MEOX2: variants seen among roughly 807,000 people sequenced by gnomAD.
MEOX2 encodes the protein homeobox protein MOX-2.
MEOX2 carries 11 observed loss-of-function variants against 27.0 expected under a neutral mutation model. The observed-to-expected ratio is 0.41, with a 90% confidence interval of 0.26 to 0.68. The LOEUF (loss-of-function observed/expected upper bound fraction) is 0.68. MEOX2 is among the 30% of genes least tolerant of loss of function. The pLI, the probability that MEOX2 is intolerant of heterozygous loss-of-function variation, is 0.33. For missense variants in MEOX2, 436 were observed against 385.4 expected, an observed-to-expected ratio of 1.13 and a Z score of -1.10; for synonymous variants, 189 against 155.4, an observed-to-expected ratio of 1.22 and a Z score of -1.61.
At chr7:15,683,886 T>C (rs1298530473) in intron 1 of MEOX2, among the ~76,000 whole-genome samples, 1 of 152,308 alleles carries the variant, frequency 6.6e-6, no homozygotes, top group Non-Finnish European at 1.5e-5. Context: ...CAAACACTTA[T>C]ATTTGCTTGT....
chr7:15,670,366 C>A (rs1312344659), intron 1 of MEOX2, among the ~76,000 whole-genome samples: 1 of 152,188 alleles, frequency 6.6e-6, no homozygotes, highest in East Asian at 1.9e-4. Context: ...TATGCTTCAA[C>A]TTTTCATTGT....
At position 15,643,189 on chromosome 7, in the gene MEOX2, G is replaced by A. The variant is rs570902949; in HGVS notation, c.518-16271C>T. On this transcript the variant is annotated intron_variant, in intron 1 of 2. Transcript: ENST00000262041. ...GCCAGTAGGTGATGCTTGCAGGTGA[G>A]AGGCAGTTGCACTGTTGGCAGTGGG... Among the ~76,000 whole-genome samples the A allele has an allele frequency of 5.3e-5, 8 of 152,320 alleles. No homozygotes were observed. In the East Asian group the frequency reaches 1.5e-3, roughly 29 times the overall value.
chr7:15,619,842 G>C (rs972847760), intron 2 of MEOX2, among the ~76,000 whole-genome samples: 2 of 151,876 alleles, frequency 1.3e-5, no homozygotes, highest in African/African-American at 2.4e-5. Flanking sequence ...ACATTTATTA[G>C]GGATGAGTTA....
intron 2 of MEOX2, among the ~76,000 whole-genome samples, chr7:15,617,127 A>G (rs546847082): frequency 6.6e-6 from 1 of 152,184 alleles, no homozygotes; most frequent in Non-Finnish European, 1.5e-5. Context: ...ATGTAACACC[A>G]TAAATGTCTG....
chr7:15,613,395 C>A (rs200506087), intron 2 of MEOX2, among the ~76,000 whole-genome samples: 3 of 148,988 alleles, frequency 2.0e-5, no homozygotes, highest in African/African-American at 2.4e-5. Context: ...GTATTAAAAA[C>A]AAAAAAAACA....
At chr7:15,633,264 C>G (rs1246242691) in intron 1 of MEOX2, among the ~76,000 whole-genome samples, 1 of 151,902 alleles carries the variant, frequency 6.6e-6, no homozygotes, top group Non-Finnish European at 1.5e-5. Flanking sequence ...GAAGAGAACT[C>G]AAGCTTCCAC....
chr7:15,614,022 T>C lies in MEOX2; in HGVS notation c.691-1411A>G, dbSNP rs549455184. Among the ~76,000 whole-genome samples, 84 of 149,732 alleles carry C rather than the reference T, an allele frequency of 5.6e-4. 1 individual carries two copies. The highest frequency in any genetic ancestry group is 1.9e-3 in the African/African-American group (80 of 41,212). Reference sequence around the variant, plus strand: ...GTGTCTTTTGATGATTAGAAACTCTTAATATTAATTAATATGTTTAAATTT... The same window carrying C: ...GTGTCTTTTGATGATTAGAAACTCTCAATATTAATTAATATGTTTAAATTT... On this transcript the variant is annotated intron_variant, in intron 2 of 2. Transcript: ENST00000262041.
chr7:15,640,957 T>C (rs980800025), intron 1 of MEOX2, among the ~76,000 whole-genome samples: 1 of 152,178 alleles, frequency 6.6e-6, no homozygotes, highest in African/African-American at 2.4e-5. Flanking sequence ...TTTGCATCTA[T>C]GTTCATCAGA....
At chr7:15,650,314 C>T (rs1562605579) in intron 1 of MEOX2, among the ~76,000 whole-genome samples, 1 of 152,076 alleles carries the variant, frequency 6.6e-6, no homozygotes, top group Non-Finnish European at 1.5e-5. Flanking sequence ...TTGCAATGTT[C>T]TGTGTAATTT....
Position 15,677,214 on chromosome 7 carries a change from G to A in MEOX2, c.517+8672C>T, listed in dbSNP as rs1235793164. ...ATAAAATAGATTATTTTCAGATGGT[G>A]CATATGCATTACATAATTGTACATT... On this transcript the variant is annotated intron_variant, in intron 1 of 2. Transcript: ENST00000262041. Among the ~76,000 whole-genome samples, 6 of 152,286 alleles carry A rather than the reference G, an allele frequency of 3.9e-5. No homozygotes were observed. The East Asian group carries it at 1.2e-3, about 29-fold the overall frequency.
In MEOX2 at chr7:15,611,906, T is replaced by C. The variant is rs189318332; in HGVS notation, c.*481A>G. ...ATTCAGGCACTGTGGCTGTTCAGGA[T>C]AAAATGTTTCATGGTTTATTCTTGA... On this transcript the variant is annotated 3_prime_UTR_variant, in exon 3 of 3. Transcript: ENST00000262041. 1.8e-5 allele frequency: 3 copies of C among 162,512 alleles called. No individual in the cohort carries two copies. The highest frequency in any genetic ancestry group is 1.7e-4 in the Admixed American group (3 of 17,374). 10.1% of individuals were successfully genotyped at this position (162,512 alleles called of 1,614,324 possible). A position where few individuals can be genotyped will look rare whatever the true frequency, so the allele number is the denominator to read the frequency against.
At chr7:15,637,765 G>A (rs761650284) in intron 1 of MEOX2, among the ~76,000 whole-genome samples, 1 of 151,710 alleles carries the variant, frequency 6.6e-6, no homozygotes, top group Non-Finnish European at 1.5e-5. Context: ...AGCAGACTTG[G>A]GTTGGATATC....
chr7:15,658,432 A>T (rs1306604825), intron 1 of MEOX2, among the ~76,000 whole-genome samples: 1 of 152,128 alleles, frequency 6.6e-6, no homozygotes, highest in Non-Finnish European at 1.5e-5. Context: ...CCTTTCCTGG[A>T]TCTTTGTCTA....
chr7:15,670,754 G>T (rs891472895), intron 1 of MEOX2, among the ~76,000 whole-genome samples: 1 of 152,100 alleles, frequency 6.6e-6, no homozygotes. Context: ...GTCATTTCTA[G>T]CACATCTGTA....
At chr7:15,662,771 G>T (rs1005891970) in intron 1 of MEOX2, among the ~76,000 whole-genome samples, 3 of 151,886 alleles carry the variant, frequency 2.0e-5, no homozygotes, top group Non-Finnish European at 4.4e-5. Context: ...TTTGTATTTC[G>T]TACTGAGATT....
rs773658129 is a variant in MEOX2 at position 15,686,188 on chromosome 7, T to A, written c.215A>T (p.His72Leu). The change falls in exon 1 of 3, where the codon CAC becomes CTC. Residue 72 changes from histidine to leucine, a missense_variant. Transcript: ENST00000262041. ...SQHHRGHHHH[H>L]HHHHHHHHQQ... ...ATGGTGGTGATGGTGGTGGTGGTGGTGGTGGTGGTGGTGCCCCCTGTGATG... is the reference window on the plus strand; with the variant it reads ...ATGGTGGTGATGGTGGTGGTGGTGGAGGTGGTGGTGGTGCCCCCTGTGATG... 6.3e-7 allele frequency: 1 copy of A among 1,597,758 alleles called. No individual in the cohort carries two copies. Among genetic ancestry groups the A allele is most frequent in the Non-Finnish European group, 8.5e-7 (1 of 1,171,428 alleles).
At chr7:15,652,241 G>A (rs575481779) in intron 1 of MEOX2, among the ~76,000 whole-genome samples, 1 of 152,006 alleles carries the variant, frequency 6.6e-6, no homozygotes, top group African/African-American at 2.4e-5. Context: ...CTGATTTATA[G>A]GATATTTTGA....
intron 1 of MEOX2, among the ~76,000 whole-genome samples, chr7:15,638,108 TA>T (rs1187961073): frequency 6.6e-6 from 1 of 152,110 alleles, no homozygotes; most frequent in Non-Finnish European, 1.5e-5. Flanking sequence ...TTGAACTTAG[TA>T]AAAAGATGAT....
At chr7:15,677,148 T>C (rs985204403) in intron 1 of MEOX2, among the ~76,000 whole-genome samples, 3 of 152,220 alleles carry the variant, frequency 2.0e-5, no homozygotes, top group African/African-American at 7.2e-5. Flanking sequence ...GCAAGTTACA[T>C]TTCCTATAGC....
Sources: allele counts gnomAD v4.1 joint callset (sites outside exome capture counted in the v4.1 genomes callset), GRCh38; gene constraint gnomAD v4.1.1; transcripts MANE v1.5; gene names NCBI Gene and HGNC (gene_info 2026-07-23, HGNC 2026-07-21).